Variants in CDH13 observed in about 807,000 individuals in gnomAD.
The protein encoded by CDH13 is cadherin-13.
In CDH13, 24 loss-of-function variants were observed where a neutral mutation model predicts 63.8. The ratio of observed to expected loss-of-function variants is 0.38; its 90% CI spans 0.27 to 0.53. The LOEUF (loss-of-function observed/expected upper bound fraction) is 0.53. Among genes scored for constraint, CDH13 ranks in the 20% least tolerant of loss-of-function variants. The pLI is 0.85. For synonymous variants in CDH13, 503 were observed against 355.3 expected, an observed-to-expected ratio of 1.42 and a Z score of -4.67; for missense variants, 1,049 against 903.1, an observed-to-expected ratio of 1.16 and a Z score of -2.07.
intron 3 of CDH13, among the ~76,000 whole-genome samples, chr16:83,043,307 T>C (rs768081491): frequency 2.6e-5 from 4 of 152,190 alleles, no homozygotes; most frequent in Non-Finnish European, 4.4e-5. Context: ...ATAGAAAGTA[T>C]AGATAACTAA....
intron 1 of CDH13, among the ~76,000 whole-genome samples, chr16:82,707,398 G>A (rs2031577533): frequency 6.6e-6 from 1 of 152,198 alleles, no homozygotes; most frequent in Non-Finnish European, 1.5e-5. Context: ...ATGAGAATGA[G>A]CAGGGGTATA....
At chr16:83,089,478 C>T (rs564027956) in intron 3 of CDH13, among the ~76,000 whole-genome samples, 98 of 152,316 alleles carry the variant, frequency 6.4e-4, no homozygotes, top group African/African-American at 2.2e-3. Flanking sequence ...GCCTTGCAGG[C>T]GTCAGGAATC....
At chr16:83,083,567 C>G (rs1000930311) in intron 3 of CDH13, among the ~76,000 whole-genome samples, 15 of 152,268 alleles carry the variant, frequency 9.9e-5, no homozygotes, top group African/African-American at 3.4e-4. Flanking sequence ...ATCAGCCCCA[C>G]CGAAATTCTG....
intron 2 of CDH13, among the ~76,000 whole-genome samples, chr16:83,018,716 A>G (rs1915050680): frequency 1.3e-5 from 2 of 152,246 alleles, no homozygotes. Flanking sequence ...CCTAGAGGGT[A>G]TAGCCTATTA....
At chr16:82,814,223 G>A (rs189458853) in intron 1 of CDH13, among the ~76,000 whole-genome samples, 20 of 152,234 alleles carry the variant, frequency 1.3e-4, no homozygotes, top group African/African-American at 4.3e-4. Context: ...TTTCCTGAGT[G>A]ACGGGAACAT....
chr16:82,655,806 T>C (rs1474926019), intron 1 of CDH13, among the ~76,000 whole-genome samples: 1 of 152,048 alleles, frequency 6.6e-6, no homozygotes, highest in Non-Finnish European at 1.5e-5. Flanking sequence ...ATTTTAACAA[T>C]GGGGAAACTG....
In CDH13 at chr16:83,426,208, G is replaced by T. The variant is rs113338978; in HGVS notation, c.782-60269G>T. ...TATGTTCACTCCTCCCAGCCTCTGG[G>T]TTTCCACCCTAATGCATTGAGATTC... On this transcript the variant is annotated intron_variant, in intron 6 of 13. Transcript: ENST00000567109. Among the ~76,000 whole-genome samples the T allele has an allele frequency of 3.9e-5, 6 of 152,134 alleles. No homozygotes were observed. The South Asian group carries it at 1.0e-3, about 26-fold the overall frequency.
intron 6 of CDH13, among the ~76,000 whole-genome samples, chr16:83,430,602 T>C (rs2072068026): frequency 6.6e-6 from 1 of 152,184 alleles, no homozygotes; most frequent in African/African-American, 2.4e-5. Flanking sequence ...AAGTCTCTGC[T>C]TGAGCATTTT....
At chr16:82,919,516 T>G (rs2042090870) in intron 2 of CDH13, among the ~76,000 whole-genome samples, 1 of 152,208 alleles carries the variant, frequency 6.6e-6, no homozygotes, top group Non-Finnish European at 1.5e-5. Context: ...CAGCTCCATC[T>G]GTGTTCCTGA....
chr16:82,851,902 A>T (rs1380424357), intron 1 of CDH13, among the ~76,000 whole-genome samples: 1 of 152,172 alleles, frequency 6.6e-6, no homozygotes, highest in African/African-American at 2.4e-5. Context: ...CTCCAAATTG[A>T]TCTCAATACA....
intron 8 of CDH13, among the ~76,000 whole-genome samples, chr16:83,668,336 G>A (rs1175536936): frequency 6.6e-6 from 1 of 152,192 alleles, no homozygotes; most frequent in Non-Finnish European, 1.5e-5. Context: ...TGCACATAGA[G>A]CCTCCAGCCT....
rs557610562 is a variant in CDH13, at chr16:83,530,711, T to G, written c.960+44056T>G. On this transcript the variant is annotated intron_variant, in intron 7 of 13. Transcript: ENST00000567109. ...ACTTCCTTATTTTGTAATGGAAGAC[T>G]GAGGTTCACAGAGGGACAGTGACTT... Among the ~76,000 whole-genome samples, 3 of 152,328 alleles carry G rather than the reference T, an allele frequency of 2.0e-5. No homozygotes were observed. The South Asian group carries it at 6.2e-4, about 32-fold the overall frequency.
chr16:83,348,046 C>T lies in CDH13; in HGVS notation c.781+3040C>T, dbSNP rs117812686. On this transcript the variant is annotated intron_variant, in intron 6 of 13. Transcript: ENST00000567109. ...TGCTACGAAAAAAACAAAAATTAGC[C>T]GGGTGCGGTGGTGGGTGCCTGTAAT... Among the ~76,000 whole-genome samples, 1,038 of 152,094 alleles carry T rather than the reference C, an allele frequency of 6.8e-3. 5 individuals are homozygous for T. The highest frequency in any genetic ancestry group is 0.012 in the Non-Finnish European group (806 of 67,982).
intron 2 of CDH13, among the ~76,000 whole-genome samples, chr16:82,862,976 A>C (rs2039999650): frequency 6.6e-6 from 1 of 152,202 alleles, no homozygotes; most frequent in African/African-American, 2.4e-5. Context: ...GCAGGTGCTT[A>C]AATACCTCAG....
At chr16:83,312,804 G>A (rs1408469639) in intron 5 of CDH13, among the ~76,000 whole-genome samples, 1 of 152,172 alleles carries the variant, frequency 6.6e-6, no homozygotes, top group Admixed American at 6.5e-5. Flanking sequence ...AAATCTCCAT[G>A]CAAAAGTCAG....
At chr16:82,648,040 A>G (rs1033469008) in intron 1 of CDH13, among the ~76,000 whole-genome samples, 24 of 152,196 alleles carry the variant, frequency 1.6e-4, no homozygotes, top group African/African-American at 5.5e-4. Context: ...GCCTGCTGCC[A>G]TGTGAGACAT....
intron 13 of CDH13, among the ~76,000 whole-genome samples, chr16:83,788,679 C>T (rs932735722): frequency 6.6e-6 from 1 of 152,170 alleles, no homozygotes; most frequent in Non-Finnish European, 1.5e-5. Context: ...AATTGCTTCA[C>T]AGTTGGTATC....
At chr16:83,288,756 C>T (rs1251073014) in intron 5 of CDH13, among the ~76,000 whole-genome samples, 1 of 152,212 alleles carries the variant, frequency 6.6e-6, no homozygotes, top group Non-Finnish European at 1.5e-5. Context: ...GTGGACATGT[C>T]TTTATTTCTC....
rs781438437 is a variant in CDH13 at position 83,217,361 on chromosome 16, G to A, written c.500G>A (p.Arg167Lys). The change falls in exon 5 of 14, where the codon AGG becomes AAG. Residue 167 changes from arginine to lysine, a missense_variant. By Grantham distance (26) the Arg-to-Lys change is conservative. Transcript: ENST00000567109. ...TCTGACTAGGTAGTCGATAGTGACA[G>A]GCCAGAAAGGTCCAAGTTCCGGCTC... ...RDVGKVVDSD[R>K]PERSKFRLTG... 1.2e-6 allele frequency: 2 copies of A among 1,613,952 alleles called. No homozygotes were observed. Among genetic ancestry groups the A allele is most frequent in the Admixed American group, 1.7e-5 (1 of 60,020 alleles).
Sources: allele counts gnomAD v4.1 joint callset (sites outside exome capture counted in the v4.1 genomes callset), GRCh38; gene constraint gnomAD v4.1.1; transcripts MANE v1.5; gene names NCBI Gene and HGNC (gene_info 2026-07-23, HGNC 2026-07-21).